DCC: variants seen among roughly 807,000 people sequenced by gnomAD.
DCC encodes the protein netrin receptor DCC.
Under a neutral mutation model 172.5 loss-of-function variants are expected in DCC, and 58 were observed. The ratio of observed to expected loss-of-function variants is 0.34; its 90% CI spans 0.27 to 0.42. The LOEUF (loss-of-function observed/expected upper bound fraction) is 0.42. Among genes scored for constraint, DCC ranks in the 10% least tolerant of loss-of-function variants. The pLI is 1.00. For synonymous variants in DCC, 709 were observed against 644.5 expected (o/e 1.10, Z -1.52); for missense variants, 1,740 against 1,791.0 (o/e 0.97, Z 0.51).
At chr18:53,457,233 A>G (rs911085202) in intron 23 of DCC, among the ~76,000 whole-genome samples, 1 of 152,134 alleles carries the variant, frequency 6.6e-6, no homozygotes. Context: ...AACATACAAA[A>G]AGGTTCTGCC....
At chr18:52,724,142 TC>T (rs1241070562) in intron 1 of DCC, among the ~76,000 whole-genome samples, 1 of 152,094 alleles carries the variant, frequency 6.6e-6, no homozygotes, top group Non-Finnish European at 1.5e-5. Flanking sequence ...TTTTCATAGA[TC>T]TTCCTCTCAT....
intron 6 of DCC, among the ~76,000 whole-genome samples, chr18:53,064,711 T>C (rs1257623481): frequency 6.6e-6 from 1 of 152,200 alleles, no homozygotes; most frequent in Non-Finnish European, 1.5e-5. Context: ...TTTAATTGGT[T>C]AGAAATAGAG....
intron 1 of DCC, among the ~76,000 whole-genome samples, chr18:52,376,239 C>T (rs1430171536): frequency 2.6e-5 from 4 of 152,138 alleles, no homozygotes; most frequent in Non-Finnish European, 5.9e-5. Context: ...ACACTCTGTA[C>T]AATGGCATGT....
Position 53,042,303 on chromosome 18 carries a change from A to G in DCC, c.986-21002A>G, listed in dbSNP as rs142738701. 8.0e-3 allele frequency among the ~76,000 whole-genome samples: 1,211 copies of G among 152,196 alleles called. 14 individuals carry two copies. Among genetic ancestry groups the G allele is most frequent in the Middle Eastern group, 0.01 (3 of 294 alleles). ...ATTGGTTCTGTTTATGTGATGGATT[A>G]TGCTTATTGATTTGCATATGTTGAA... On this transcript the variant is annotated intron_variant, in intron 5 of 28. Transcript: ENST00000442544.
chr18:53,277,522 G>GGTTT (rs2056820099), intron 12 of DCC, among the ~76,000 whole-genome samples: 1 of 152,106 alleles, frequency 6.6e-6, no homozygotes, highest in Admixed American at 6.6e-5. Context: ...CTTATGGAAT[G>GGTTT]GTTTGTCTCA....
intron 7 of DCC, among the ~76,000 whole-genome samples, chr18:53,151,761 A>G (rs896370990): frequency 6.6e-6 from 1 of 152,118 alleles, no homozygotes; most frequent in East Asian, 1.9e-4. Context: ...TACTTTTTCT[A>G]AAGTTCTTAA....
intron 1 of DCC, among the ~76,000 whole-genome samples, chr18:52,480,578 G>A (rs2029918359): frequency 6.6e-6 from 1 of 152,126 alleles, no homozygotes; most frequent in Admixed American, 6.5e-5. Context: ...TCATAAGCTT[G>A]TAAGAAACAA....
chr18:53,377,167 T>C (rs1438464288), intron 15 of DCC, among the ~76,000 whole-genome samples: 1 of 152,154 alleles, frequency 6.6e-6, no homozygotes, highest in East Asian at 1.9e-4. Flanking sequence ...GATACCACTG[T>C]CTTAGTCTAT....
At chr18:52,456,566 T>C (rs1006813128) in intron 1 of DCC, among the ~76,000 whole-genome samples, 1 of 152,338 alleles carries the variant, frequency 6.6e-6, no homozygotes. Context: ...TATTAAGGTT[T>C]AAAAAATAAA....
chr18:53,357,418 A>T (rs1337586134), intron 15 of DCC, among the ~76,000 whole-genome samples: 1 of 152,174 alleles, frequency 6.6e-6, no homozygotes, highest in Non-Finnish European at 1.5e-5. Flanking sequence ...AAATCCCTTC[A>T]TGCATGGAAT....
chr18:52,689,544 T>C (rs764741187), intron 1 of DCC, among the ~76,000 whole-genome samples: 2 of 152,150 alleles, frequency 1.3e-5, no homozygotes, highest in Non-Finnish European at 2.9e-5. Flanking sequence ...CTAGGGACCC[T>C]ATGCTTCTTC....
chr18:53,004,960 G>A (rs1285927924), intron 5 of DCC, among the ~76,000 whole-genome samples: 1 of 152,186 alleles, frequency 6.6e-6, no homozygotes, highest in East Asian at 1.9e-4. Flanking sequence ...TGAGGGCTCT[G>A]CCCTAACGAA....
At chr18:53,266,369 C>T (rs993041282) in intron 12 of DCC, among the ~76,000 whole-genome samples, 1 of 152,086 alleles carries the variant, frequency 6.6e-6, no homozygotes, top group African/African-American at 2.4e-5. Flanking sequence ...TCACTTAATA[C>T]ATTTTTTTAT....
chr18:53,271,613 T>G (rs1014769390), intron 12 of DCC, among the ~76,000 whole-genome samples: 3 of 152,154 alleles, frequency 2.0e-5, no homozygotes, highest in Non-Finnish European at 4.4e-5. Flanking sequence ...GGGCAGGTCA[T>G]AGCAAGGCAT....
intron 2 of DCC, among the ~76,000 whole-genome samples, chr18:52,761,651 C>A (rs568236802): frequency 4.6e-5 from 7 of 152,024 alleles, no homozygotes; most frequent in African/African-American, 9.7e-5. Context: ...AACACAAACC[C>A]ATGCACACAC....
intron 1 of DCC, among the ~76,000 whole-genome samples, chr18:52,364,605 A>G (rs1305316421): frequency 1.3e-5 from 2 of 152,194 alleles, no homozygotes; most frequent in African/African-American, 4.8e-5. Context: ...AAGATCCTCT[A>G]GCTTCCTCCT....
chr18:53,339,564 T>A (rs1040185158), intron 14 of DCC, 149 bp from the exon 15 acceptor site: 6 of 709,346 alleles, frequency 8.5e-6, no homozygotes, highest in Admixed American at 4.2e-5. Context: ...AGAAAATATA[T>A]CATATGCTAA....
intron 1 of DCC, among the ~76,000 whole-genome samples, chr18:52,478,023 T>C (rs562935621): frequency 1.3e-5 from 2 of 152,194 alleles, no homozygotes; most frequent in African/African-American, 4.8e-5. Flanking sequence ...TTCCCCAGGC[T>C]GCTATCGAAC....
intron 22 of DCC, among the ~76,000 whole-genome samples, chr18:53,443,463 C>T (rs1354941813): frequency 6.6e-6 from 1 of 152,230 alleles, no homozygotes; most frequent in Non-Finnish European, 1.5e-5. Context: ...TATTACTGCA[C>T]ATTGACAATG....
Sources: allele counts gnomAD v4.1 joint callset (sites outside exome capture counted in the v4.1 genomes callset), GRCh38; gene constraint gnomAD v4.1.1; transcripts MANE v1.5; gene names NCBI Gene and HGNC (gene_info 2026-07-23, HGNC 2026-07-21).